NIPAL2: variants seen among roughly 807,000 people sequenced by gnomAD.
NIPAL2 encodes NIPA-like protein 2.
NIPAL2 carries 43 observed loss-of-function variants against 48.9 expected under a neutral mutation model. The ratio of observed to expected loss-of-function variants is 0.88; its 90% CI spans 0.69 to 1.13. The LOEUF (loss-of-function observed/expected upper bound fraction) is 1.13. Among genes scored for constraint, NIPAL2 ranks in the 50% most tolerant of loss-of-function variants. The pLI, the probability that NIPAL2 is intolerant of heterozygous loss-of-function variation, is 0.00. For missense variants in NIPAL2, 446 were observed against 461.4 expected (o/e 0.97, Z 0.31); for synonymous variants, 167 against 174.6 (o/e 0.96, Z 0.34).
chr8:98,269,936 A>C (rs1586454432), intron 1 of NIPAL2, among the ~76,000 whole-genome samples: 1 of 152,086 alleles, frequency 6.6e-6, no homozygotes, highest in East Asian at 1.9e-4. Flanking sequence ...AACATGCAGT[A>C]TTTGGTTTTC....
At chr8:98,196,943 A>G (rs935555771) in intron 8 of NIPAL2, among the ~76,000 whole-genome samples, 1 of 152,250 alleles carries the variant, frequency 6.6e-6, no homozygotes, top group Admixed American at 6.5e-5. Context: ...TGTTGAATGA[A>G]TGAAACTTTC....
chr8:98,232,627 A>G (rs1027986569), intron 4 of NIPAL2, among the ~76,000 whole-genome samples: 1 of 152,212 alleles, frequency 6.6e-6, no homozygotes, highest in Admixed American at 6.5e-5. Context: ...AGGCTTAAAA[A>G]GCTTATTTAT....
chr8:98,265,683 G>A (rs1386512582), intron 1 of NIPAL2, among the ~76,000 whole-genome samples: 1 of 138,544 alleles, frequency 7.2e-6, no homozygotes, highest in East Asian at 2.0e-4. Flanking sequence ...CACTGTTGGT[G>A]GGACTGTAAA....
chr8:98,252,171 TTAA>T (rs1477913670), intron 3 of NIPAL2: 1 of 282,200 alleles, frequency 3.5e-6, no homozygotes, highest in East Asian at 6.4e-5. Flanking sequence ...AGGTAACTCA[TTAA>T]TGATTACAAG....
intron 1 of NIPAL2, among the ~76,000 whole-genome samples, chr8:98,286,892 G>A (rs1342117824): frequency 6.6e-6 from 1 of 151,912 alleles, no homozygotes; most frequent in Admixed American, 6.6e-5. Flanking sequence ...ACATGGTGAG[G>A]CAAATGTGTA....
intron 1 of NIPAL2, among the ~76,000 whole-genome samples, chr8:98,266,305 A>G (rs1351301338): frequency 2.6e-5 from 4 of 151,946 alleles, no homozygotes; most frequent in African/African-American, 9.7e-5. Context: ...AAAATGAAAA[A>G]AAAAAGTTAT....
chr8:98,274,794 C>T (rs1815364264), intron 1 of NIPAL2, among the ~76,000 whole-genome samples: 2 of 152,094 alleles, frequency 1.3e-5, no homozygotes, highest in South Asian at 4.1e-4. Context: ...TTTATTTCTA[C>T]TATCTTTTGT....
At chr8:98,291,011 T>C (rs569248027) in intron 1 of NIPAL2, among the ~76,000 whole-genome samples, 1 of 152,326 alleles carries the variant, frequency 6.6e-6, no homozygotes, top group East Asian at 1.9e-4. Flanking sequence ...GTAGGCTGGA[T>C]TTAGTCCACA....
chr8:98,254,216 G>C lies in NIPAL2; in HGVS notation c.136-129C>G. 9.7e-6 allele frequency: 6 copies of C among 620,624 alleles called. No individual in the cohort carries two copies. The East Asian group carries it at 1.8e-4, about 18-fold the overall frequency. 38.4% of individuals were successfully genotyped at this position (620,624 alleles called of 1,614,324 possible). On this transcript the variant is annotated intron_variant, in intron 1 of 10. Coordinates refer to ENST00000430223, the MANE Select transcript of NIPAL2 (RefSeq NM_001321635.2). ...GCCTAGCACCCATTTCCCAGGGTAG[G>C]TTTGGGATATTAATAGGATTTAATT...
At chr8:98,194,907 T>C in intron 9 of NIPAL2, 85 bp from the exon 10 acceptor site, 1 of 725,108 alleles carries the variant, frequency 1.4e-6, no homozygotes, top group Non-Finnish European at 2.1e-6. Context: ...TTCTACATGA[T>C]GACATAAATC....
In NIPAL2 at chr8:98,211,540, A is replaced by G. The variant is rs1162839199; in HGVS notation, c.655+865T>C. On this transcript the variant is annotated intron_variant, in intron 6 of 10. Transcript: ENST00000430223. The stretch of plus-strand genomic sequence containing the variant: ...AAAACCCAGCACCTCGTTAACATGG[A>G]GGCTGCATACTGCCCCAGGGGTATG... Among the ~76,000 whole-genome samples, 3 of 152,218 alleles carry G rather than the reference A, an allele frequency of 2.0e-5. No individual in the cohort carries two copies. In the East Asian group the frequency reaches 5.8e-4, roughly 29 times the overall value.
intron 1 of NIPAL2, among the ~76,000 whole-genome samples, chr8:98,286,669 C>A (rs565811898): frequency 4.0e-5 from 6 of 151,828 alleles, no homozygotes; most frequent in African/African-American, 1.5e-4. Flanking sequence ...ATTATCTGGG[C>A]GTGGTGGTAC....
chr8:98,220,408 AT>A (rs71273110), intron 5 of NIPAL2, among the ~76,000 whole-genome samples: 2,228 of 140,652 alleles, frequency 0.016, 25 homozygotes, highest in African/African-American at 0.041. Flanking sequence ...GTGTGCTTTG[AT>A]TTTTTTTTTT....
chr8:98,274,066 A>C lies in NIPAL2; in HGVS notation c.135+19937T>G, dbSNP rs1815313804. Among the ~76,000 whole-genome samples the C allele has an allele frequency of 1.3e-5, 2 of 152,054 alleles. 1 individual carries two copies. The highest frequency in any genetic ancestry group is 2.9e-5 in the Non-Finnish European group (2 of 67,930). On this transcript the variant is annotated intron_variant, in intron 1 of 10. Transcript: ENST00000430223. Reference sequence around the variant, plus strand: ...AATTTTATTAAATTATTTCTAATTTATTGAGTTTGGGTCAGAAATGTGCTG... The same window carrying C: ...AATTTTATTAAATTATTTCTAATTTCTTGAGTTTGGGTCAGAAATGTGCTG...
chr8:98,266,553 C>CAAAAAAA (rs1168587196), intron 1 of NIPAL2, among the ~76,000 whole-genome samples: 1 of 69,280 alleles, frequency 1.4e-5, no homozygotes. Flanking sequence ...ACTCTGTCTC[C>CAAAAAAA]AAAAAAAAAA....
Position 98,294,188 on chromosome 8 carries a change from C to G in NIPAL2, c.-51G>C. 1 of 1,292,046 alleles carries G rather than the reference C, an allele frequency of 7.7e-7. No homozygotes were observed. Among genetic ancestry groups the G allele is most frequent in the Non-Finnish European group, 9.8e-7 (1 of 1,021,734 alleles). 80.0% of individuals were successfully genotyped at this position (1,292,046 alleles called of 1,614,324 possible). A position where few individuals can be genotyped will look rare whatever the true frequency, so the allele number is the denominator to read the frequency against. ...TCCGGCTCGGGCTGCGGCCGCCTCC[C>G]CGCCCTGTTGCACCGCGAGGAGGCC... is the stretch of plus-strand genomic sequence containing the variant. On this transcript the variant is annotated 5_prime_UTR_variant, in exon 1 of 11. Transcript: ENST00000430223.
At chr8:98,259,760 T>C (rs1262166615) in intron 1 of NIPAL2, among the ~76,000 whole-genome samples, 1 of 152,230 alleles carries the variant, frequency 6.6e-6, no homozygotes, top group Non-Finnish European at 1.5e-5. Flanking sequence ...AACCCTGCTG[T>C]GCTTGTGTCT....
chr8:98,224,654 G>A (rs2130761491), intron 4 of NIPAL2, among the ~76,000 whole-genome samples: 1 of 151,952 alleles, frequency 6.6e-6, no homozygotes, highest in East Asian at 1.9e-4. Context: ...GGGTACGTAG[G>A]AGGTGTATAT....
chr8:98,217,115 TG>T, intron 5 of NIPAL2: 1 of 985,466 alleles, frequency 1.0e-6, no homozygotes, highest in Non-Finnish European at 1.2e-6. Context: ...GCAGACAGGC[TG>T]GGAAAGGCTG....
Sources: gnomAD v4.1 joint callset for allele counts (sites outside exome capture counted in the v4.1 genomes callset) on GRCh38, gnomAD v4.1.1 for gene constraint, MANE v1.5 for transcripts, NCBI Gene and HGNC (gene_info 2026-07-23, HGNC 2026-07-21) for gene names.